Variants in COL25A1 observed in about 807,000 individuals in gnomAD.
COL25A1 encodes the protein collagen alpha-1(XXV) chain.
In COL25A1, 103 loss-of-function variants were observed where a neutral mutation model predicts 128.4. The ratio of observed to expected loss-of-function variants is 0.80; its 90% CI spans 0.68 to 0.94. The LOEUF is 0.94. Ranked by LOEUF, COL25A1 falls within the 40% of genes least tolerant of loss-of-function variation. The pLI, the probability that COL25A1 is intolerant of heterozygous loss-of-function variation, is 0.00. For missense variants in COL25A1, 745 were observed against 840.0 expected (o/e 0.89, Z 1.40); for synonymous variants, 279 against 277.2 (o/e 1.01, Z -0.06).
intron 24 of COL25A1, among the ~76,000 whole-genome samples, chr4:108,854,676 CA>C (rs1289619772): frequency 6.6e-6 from 1 of 152,054 alleles, no homozygotes; most frequent in East Asian, 1.9e-4. Context: ...CATCTCATGC[CA>C]GTTAGAATGG....
intron 3 of COL25A1, among the ~76,000 whole-genome samples, chr4:109,128,706 G>C (rs915569638): frequency 1.3e-5 from 2 of 152,106 alleles, no homozygotes; most frequent in African/African-American, 2.4e-5. Context: ...ACTAAAACAG[G>C]GGCCCATGGT....
chr4:109,239,394 G>GTGTGTGTATATATA (rs1491198097), intron 3 of COL25A1, among the ~76,000 whole-genome samples: 1 of 116,580 alleles, frequency 8.6e-6, no homozygotes, highest in African/African-American at 3.7e-5. Context: ...GTGTGTGTGT[G>GTGTGTGTATATATA]TATATATATA....
chr4:109,216,214 G>A (rs1349442412), intron 3 of COL25A1, among the ~76,000 whole-genome samples: 2 of 151,774 alleles, frequency 1.3e-5, no homozygotes, highest in African/African-American at 2.4e-5. Context: ...AAAATGTCGG[G>A]CACACAGCAG....
chr4:109,152,897 T>C (rs951084938), intron 3 of COL25A1, among the ~76,000 whole-genome samples: 3 of 151,728 alleles, frequency 2.0e-5, no homozygotes, highest in Admixed American at 6.6e-5. Flanking sequence ...GGGTGGAAAA[T>C]GGCGTTTAAT....
intron 8 of COL25A1, among the ~76,000 whole-genome samples, chr4:108,962,479 C>T (rs1333219227): frequency 6.6e-6 from 1 of 152,006 alleles, no homozygotes; most frequent in Non-Finnish European, 1.5e-5. Flanking sequence ...GCACCCGGCC[C>T]TTAATTCTTA....
chr4:108,924,217 A>C (rs957236206), intron 11 of COL25A1, among the ~76,000 whole-genome samples: 3 of 152,192 alleles, frequency 2.0e-5, no homozygotes, highest in African/African-American at 4.8e-5. Context: ...AATTCTAAGC[A>C]TGGAGTAACA....
intron 3 of COL25A1, among the ~76,000 whole-genome samples, chr4:109,159,261 T>C (rs1350343832): frequency 1.3e-5 from 2 of 151,806 alleles, no homozygotes; most frequent in Non-Finnish European, 2.9e-5. Flanking sequence ...TTTAATTAAA[T>C]TTAAAATTAC....
chr4:109,054,291 T>G (rs546674949), intron 3 of COL25A1, among the ~76,000 whole-genome samples: 4 of 152,322 alleles, frequency 2.6e-5, no homozygotes, highest in African/African-American at 9.6e-5. Context: ...AACCTATGGA[T>G]TTTTCACTAC....
chr4:108,901,854 C>A (rs1421599631), intron 13 of COL25A1, among the ~76,000 whole-genome samples: 1 of 151,990 alleles, frequency 6.6e-6, no homozygotes, highest in Non-Finnish European at 1.5e-5. Context: ...ACCAGTCTTT[C>A]AAGACTCTGA....
At position 108,838,861 on chromosome 4, in the gene COL25A1, G is replaced by A. The variant is rs183298935; in HGVS notation, c.1656+2834C>T. 2.9e-4 allele frequency among the ~76,000 whole-genome samples: 44 copies of A among 152,154 alleles called. No homozygotes were observed. The South Asian group carries it at 5.8e-3, about 20-fold the overall frequency. ...CTCAGCGTGACATTATAAAAGCCAC[G>A]GTAAATGATAAATTCTTGACTCCAT... On this transcript the variant is annotated intron_variant, in intron 31 of 37. Coordinates refer to ENST00000399132, the MANE Select transcript of COL25A1 (RefSeq NM_198721.4).
At chr4:108,814,324 C>T (rs1731049095) in intron 37 of COL25A1, among the ~76,000 whole-genome samples, 1 of 152,170 alleles carries the variant, frequency 6.6e-6, no homozygotes, top group Non-Finnish European at 1.5e-5. Flanking sequence ...GCACGCATTA[C>T]AATACAACTG....
At chr4:108,934,612 A>AT (rs1431104614) in intron 11 of COL25A1, among the ~76,000 whole-genome samples, 1 of 152,246 alleles carries the variant, frequency 6.6e-6, no homozygotes, top group Non-Finnish European at 1.5e-5. Context: ...TTAACAAATC[A>AT]TGATTTCTTT....
At position 108,870,212 on chromosome 4, in the gene COL25A1, C is replaced by T. The variant is rs534595619; in HGVS notation, c.1021-1062G>A. ...TTGAGGCTGCAGTGAGCCGTGATGG[C>T]GCCACTGCACTCCAACATGGTTGAC... On this transcript the variant is annotated intron_variant, in intron 19 of 37. Coordinates refer to ENST00000399132, the MANE Select transcript of COL25A1 (RefSeq NM_198721.4). Among the ~76,000 whole-genome samples the T allele has an allele frequency of 5.9e-5, 9 of 152,102 alleles. No homozygotes were observed. The South Asian group carries it at 1.7e-3, about 28-fold the overall frequency.
intron 3 of COL25A1, among the ~76,000 whole-genome samples, chr4:109,101,608 C>T (rs866717744): frequency 6.6e-6 from 1 of 152,298 alleles, no homozygotes. Context: ...CTCCTGCTTT[C>T]CCATAATATT....
chr4:109,273,342 G>A (rs1782327664), intron 3 of COL25A1, among the ~76,000 whole-genome samples: 1 of 152,058 alleles, frequency 6.6e-6, no homozygotes, highest in South Asian at 2.1e-4. Flanking sequence ...TATTAAACTA[G>A]ATGCTAATAA....
intron 8 of COL25A1, among the ~76,000 whole-genome samples, chr4:108,972,940 C>T (rs1033752989): frequency 1.1e-4 from 16 of 152,232 alleles, no homozygotes; most frequent in African/African-American, 3.6e-4. Context: ...CTCTTTTTAA[C>T]GATGAAAGCC....
At chr4:109,083,448 A>ATT (rs60165291) in intron 3 of COL25A1, among the ~76,000 whole-genome samples, 1,550 of 77,064 alleles carry the variant, frequency 0.02, 131 homozygotes, top group African/African-American at 0.04. Context: ...CACTAAATAA[A>ATT]TTTTTTTTTT....
intron 18 of COL25A1, among the ~76,000 whole-genome samples, chr4:108,886,710 T>C (rs985678201): frequency 1.3e-5 from 2 of 152,096 alleles, no homozygotes; most frequent in East Asian, 3.9e-4. Context: ...AATTAGGATT[T>C]GATTCGTTAT....
In COL25A1 at chr4:109,302,040, C is replaced by G. The variant is rs770329062; in HGVS notation, c.-21G>C. 9.0e-6 allele frequency: 14 copies of G among 1,562,724 alleles called. No individual in the cohort carries two copies. The South Asian group carries it at 1.1e-4, about 12-fold the overall frequency. ...AGCATCGTGGCGGGGTCGGCCGTCT[C>G]GGCTTCGCTTCCCACCCTCTACACC... is the stretch of plus-strand genomic sequence containing the variant. On this transcript the variant is annotated 5_prime_UTR_variant, in exon 2 of 38. Transcript: ENST00000399132.
Sources: gnomAD v4.1 joint callset for allele counts (sites outside exome capture counted in the v4.1 genomes callset) on GRCh38, gnomAD v4.1.1 for gene constraint, MANE v1.5 for transcripts, NCBI Gene and HGNC (gene_info 2026-07-23, HGNC 2026-07-21) for gene names.